The following SCLT1 variants were observed in gnomAD, a reference collection of about 807,000 sequenced individuals.
SCLT1 encodes sodium channel and clathrin linker 1.
In SCLT1, 78 loss-of-function variants were observed where a neutral mutation model predicts 112.8. The ratio of observed to expected loss-of-function variants is 0.69; its 90% CI spans 0.58 to 0.83. The LOEUF is 0.83. Among genes scored for constraint, SCLT1 ranks in the 40% least tolerant of loss-of-function variants. SCLT1 has a pLI of 0.00. For synonymous variants in SCLT1, 257 were observed against 254.7 expected, an observed-to-expected ratio of 1.01 and a Z score of -0.09; for missense variants, 747 against 770.4, an observed-to-expected ratio of 0.97 and a Z score of 0.36.
At chr4:128,938,469 G>T (rs904721219) in intron 17 of SCLT1, among the ~76,000 whole-genome samples, 2 of 152,180 alleles carry the variant, frequency 1.3e-5, no homozygotes, top group Non-Finnish European at 1.5e-5. Context: ...TTAGTTTTGT[G>T]TTGTATTACT....
chr4:128,977,257 G>A (rs1741258129), intron 9 of SCLT1, among the ~76,000 whole-genome samples: 1 of 152,142 alleles, frequency 6.6e-6, no homozygotes, highest in African/African-American at 2.4e-5. Flanking sequence ...TGGACATGTT[G>A]AGCCTTAAGT....
At chr4:129,083,256 T>A (rs1179408883) in intron 1 of SCLT1, among the ~76,000 whole-genome samples, 1 of 150,450 alleles carries the variant, frequency 6.6e-6, no homozygotes, top group Non-Finnish European at 1.5e-5. Context: ...CATACTTTTA[T>A]TTACATCAAG....
chr4:128,901,765 A>G (rs1319063935), intron 18 of SCLT1, among the ~76,000 whole-genome samples: 1 of 152,090 alleles, frequency 6.6e-6, no homozygotes, highest in Non-Finnish European at 1.5e-5. Flanking sequence ...TTCTTTACAC[A>G]TCAAATCTCT....
chr4:128,904,073 T>C (rs551549754), intron 18 of SCLT1, among the ~76,000 whole-genome samples: 1 of 152,238 alleles, frequency 6.6e-6, no homozygotes, highest in East Asian at 1.9e-4. Flanking sequence ...GACACAGAGA[T>C]AGAGGAAATT....
chr4:129,086,080 CAG>C (rs1236089693), intron 1 of SCLT1, among the ~76,000 whole-genome samples: 3 of 151,042 alleles, frequency 2.0e-5, no homozygotes, highest in Non-Finnish European at 3.0e-5. Flanking sequence ...TTTTCCCTGA[CAG>C]AGTTTTCAAT....
At chr4:129,077,971 G>A (rs181744074) in intron 2 of SCLT1, among the ~76,000 whole-genome samples, 2 of 152,246 alleles carry the variant, frequency 1.3e-5, no homozygotes, top group Admixed American at 6.5e-5. Context: ...AACATGCAGT[G>A]AAAAGCAAGG....
At chr4:129,048,609 A>G (rs1748430302) in intron 2 of SCLT1, among the ~76,000 whole-genome samples, 1 of 152,024 alleles carries the variant, frequency 6.6e-6, no homozygotes, top group Non-Finnish European at 1.5e-5. Context: ...CAATGGCAAC[A>G]AAAGACAAAA....
intron 18 of SCLT1, among the ~76,000 whole-genome samples, chr4:128,893,928 G>A (rs1186251192): frequency 6.6e-6 from 1 of 151,834 alleles, no homozygotes; most frequent in Non-Finnish European, 1.5e-5. Flanking sequence ...AGCCTGTCAG[G>A]TTTTTTGTTT....
downstream of SCLT1, among the ~76,000 whole-genome samples, chr4:128,883,157 C>CAAAAAAAAAAAAAAAAA (rs34993678): frequency 1.2e-4 from 7 of 57,650 alleles, no homozygotes; most frequent in Middle Eastern, 0.011. Flanking sequence ...ACAACAACAA[C>CAAAAAAAAAAAAAAAAA]AAAAAAAAAA....
At chr4:128,931,951 T>TCC (rs1560855645) in intron 18 of SCLT1, among the ~76,000 whole-genome samples, 26 of 146,502 alleles carry the variant, frequency 1.8e-4, no homozygotes, top group Admixed American at 1.3e-3. Flanking sequence ...TCTATCCCTT[T>TCC]TTTTTTTTTT....
At chr4:128,914,053 A>G (rs1579360004) in intron 18 of SCLT1, among the ~76,000 whole-genome samples, 1 of 152,150 alleles carries the variant, frequency 6.6e-6, no homozygotes, top group African/African-American at 2.4e-5. Context: ...GGCGATTTGG[A>G]TATCATTTTG....
intron 18 of SCLT1, among the ~76,000 whole-genome samples, chr4:128,915,615 C>T (rs997583515): frequency 1.3e-5 from 2 of 152,080 alleles, no homozygotes; most frequent in Non-Finnish European, 2.9e-5. Flanking sequence ...AGTTCAAATG[C>T]ATTTCAAAAA....
At chr4:128,952,371 T>A in intron 14 of SCLT1, 1 of 459,728 alleles carries the variant, frequency 2.2e-6, no homozygotes, top group Non-Finnish European at 4.4e-6. Flanking sequence ...TCTTTTCCTC[T>A]CCCCTCTTGG....
chr4:129,013,245 G>A (rs891152810), intron 5 of SCLT1, among the ~76,000 whole-genome samples: 1 of 152,074 alleles, frequency 6.6e-6, no homozygotes, highest in Non-Finnish European at 1.5e-5. Flanking sequence ...CGCGGTATTT[G>A]GTTTTCTGTT....
intron 18 of SCLT1, among the ~76,000 whole-genome samples, chr4:128,936,116 C>CTT (rs11402194): frequency 2.0e-3 from 297 of 150,648 alleles, no homozygotes; most frequent in Middle Eastern, 0.01. Context: ...ACAGTCTATT[C>CTT]TTTTTTTTTA....
intron 18 of SCLT1, among the ~76,000 whole-genome samples, chr4:128,903,850 A>G (rs2125938311): frequency 6.6e-6 from 1 of 152,312 alleles, no homozygotes; most frequent in East Asian, 1.9e-4. Flanking sequence ...GTTATCTACA[A>G]GACATTTTCC....
At chr4:128,952,481 A>G (rs72683673) in intron 14 of SCLT1, 166,179 of 526,656 alleles carry the variant, frequency 0.32, 27,047 homozygotes, top group South Asian at 0.37. Flanking sequence ...TTTCCCAGAT[A>G]AACTCAGCAT....
At chr4:128,878,992 G>C (rs73850019) in intron 3 of SCLT1, among the ~76,000 whole-genome samples, 13 of 151,788 alleles carry the variant, frequency 8.6e-5, no homozygotes, top group African/African-American at 1.7e-4. Context: ...CACTCGGGAG[G>C]GGGGAGGGAT....
At chr4:128,898,658 A>G (rs1733996317) in intron 18 of SCLT1, among the ~76,000 whole-genome samples, 1 of 152,240 alleles carries the variant, frequency 6.6e-6, no homozygotes, top group Non-Finnish European at 1.5e-5. Context: ...GCAGATGGCA[A>G]GAAATAACTA....
Sources: allele counts gnomAD v4.1 joint callset (sites outside exome capture counted in the v4.1 genomes callset), GRCh38; gene constraint gnomAD v4.1.1; transcripts MANE v1.5; gene names NCBI Gene and HGNC (gene_info 2026-07-23, HGNC 2026-07-21).